Variants in CADPS2 observed in about 807,000 individuals in gnomAD.
CADPS2 encodes calcium dependent secretion activator 2.
In CADPS2, 93 loss-of-function variants were observed where a neutral mutation model predicts 172.5. The ratio of observed to expected loss-of-function variants is 0.54; its 90% CI spans 0.46 to 0.64. The LOEUF (loss-of-function observed/expected upper bound fraction) is 0.64. Ranked by LOEUF, CADPS2 falls within the 30% of genes least tolerant of loss-of-function variation. The pLI is 0.00. For missense variants in CADPS2, 1,420 were observed against 1,565.9 expected (o/e 0.91, Z 1.57); for synonymous variants, 546 against 555.2 (o/e 0.98, Z 0.23).
chr7:122,877,986 C>T (rs915256112), intron 1 of CADPS2, among the ~76,000 whole-genome samples: 5 of 149,910 alleles, frequency 3.3e-5, no homozygotes, highest in African/African-American at 1.2e-4. Context: ...AGACGCTATA[C>T]TACTGCACTA....
intron 3 of CADPS2, among the ~76,000 whole-genome samples, chr7:122,630,420 A>G (rs554921566): frequency 2.0e-4 from 31 of 152,268 alleles, no homozygotes; most frequent in African/African-American, 6.7e-4. Context: ...AAGAACACCA[A>G]AAGTCTGGAG....
chr7:122,376,363 G>A (rs1351599701), intron 25 of CADPS2, among the ~76,000 whole-genome samples: 1 of 152,100 alleles, frequency 6.6e-6, no homozygotes, highest in African/African-American at 2.4e-5. Flanking sequence ...ATTAAAATGA[G>A]TTATGTGCAT....
At chr7:122,375,511 G>A (rs1390654561) in intron 25 of CADPS2, among the ~76,000 whole-genome samples, 1 of 151,974 alleles carries the variant, frequency 6.6e-6, no homozygotes, top group African/African-American at 2.4e-5. Context: ...AATAGTGCTG[G>A]GAAAAGTGGA....
chr7:122,345,457 A>C (rs1024363700), intron 28 of CADPS2, 117 bp downstream of exon 28: 58 of 634,640 alleles, frequency 9.1e-5, no homozygotes, highest in Non-Finnish European at 1.4e-4. Context: ...TTTTTAGTAT[A>C]GAAGATACAG....
In CADPS2 at chr7:122,790,907, A is replaced by T. The variant is rs368592864; in HGVS notation, c.340-53839T>A. ...AGCCACCACGTCTCAACACTAATGG[A>T]TGTAGGAATATTAACTATGATCAGG... On this transcript the variant is annotated intron_variant, in intron 1 of 29. Transcript: ENST00000449022. Among the ~76,000 whole-genome samples the T allele has an allele frequency of 5.3e-5, 8 of 152,192 alleles. No homozygotes were observed. In the East Asian group the frequency reaches 7.7e-4, roughly 15 times the overall value.
chr7:122,549,600 G>A (rs748842214), intron 8 of CADPS2, among the ~76,000 whole-genome samples: 9 of 150,774 alleles, frequency 6.0e-5, no homozygotes, highest in East Asian at 3.9e-4. Flanking sequence ...CAGCCTGGGC[G>A]ACAGAGTGAG....
chr7:122,694,425 G>A (rs1250251821), intron 2 of CADPS2, among the ~76,000 whole-genome samples: 1 of 152,202 alleles, frequency 6.6e-6, no homozygotes, highest in Non-Finnish European at 1.5e-5. Context: ...GTGTAGAAGA[G>A]TTTTGAAATC....
chr7:122,621,399 A>G, intron 5 of CADPS2, 82 bp downstream of exon 5: 1 of 913,034 alleles, frequency 1.1e-6, no homozygotes, highest in Non-Finnish European at 1.7e-6. Context: ...TTAAATTCTA[A>G]AAGTTACTGC....
rs754795204 is a variant in CADPS2 at position 122,416,101 on chromosome 7, C to G, written c.2540G>C (p.Cys847Ser). 6.4e-7 allele frequency: 1 copy of G among 1,553,496 alleles called. No individual in the cohort carries two copies. ...TTCATTCTGCTGTAAGACTTCTATG[C>G]AGAGCTCTGCCAGATGAAGAATCTC... is the stretch of plus-strand genomic sequence containing the variant. ...LEEILHLAEL[C>S]IEVLQQNEEH... Residue 847 changes from cysteine (C) to serine (S), a missense_variant, in exon 18 of 30, where the codon TGC becomes TCC. Coordinates refer to ENST00000449022, the MANE Select transcript of CADPS2 (RefSeq NM_017954.11).
chr7:122,587,612 T>C (rs892337986), intron 6 of CADPS2, among the ~76,000 whole-genome samples: 4 of 152,156 alleles, frequency 2.6e-5, no homozygotes, highest in African/African-American at 4.8e-5. Context: ...ATGATTTATA[T>C]TCCTTTGGTA....
At position 122,886,439 on chromosome 7, in the gene CADPS2, GC is replaced by G; in HGVS notation, c.-103del. ...GGGAGCCGCGGGGCTGGCTGCAGCG[GC>G]CGCAGAACGAAAGGAAAACTGGCCA... On this transcript the variant is annotated 5_prime_UTR_variant, in exon 1 of 30. Coordinates refer to ENST00000449022, the MANE Select transcript of CADPS2 (RefSeq NM_017954.11). The G allele has an allele frequency of 7.2e-7, 1 of 1,389,816 alleles. No individual in the cohort carries two copies. Among genetic ancestry groups the G allele is most frequent in the South Asian group, 1.6e-5 (1 of 64,004 alleles). The allele number at this position is 1,389,816 out of a possible 1,614,324, so 86.1% of individuals were successfully genotyped here. A position where few individuals can be genotyped will look rare whatever the true frequency, so the allele number is the denominator to read the frequency against.
intron 4 of CADPS2, among the ~76,000 whole-genome samples, chr7:122,626,767 T>G (rs2076129372): frequency 6.6e-6 from 1 of 152,198 alleles, no homozygotes; most frequent in Admixed American, 6.5e-5. Flanking sequence ...CAATAAATAT[T>G]TGGTCAATTA....
chr7:122,428,256 A>C (rs2049409065), intron 17 of CADPS2, among the ~76,000 whole-genome samples: 1 of 152,108 alleles, frequency 6.6e-6, no homozygotes, highest in Non-Finnish European at 1.5e-5. Flanking sequence ...AGTACGTAAA[A>C]ATCACCGTTG....
intron 1 of CADPS2, among the ~76,000 whole-genome samples, chr7:122,851,467 G>C (rs1289292057): frequency 6.6e-6 from 1 of 152,154 alleles, no homozygotes; most frequent in Non-Finnish European, 1.5e-5. Flanking sequence ...AGCCTGAGGG[G>C]TGCATTCTTC....
chr7:122,798,486 G>A (rs1796884542), intron 1 of CADPS2, among the ~76,000 whole-genome samples: 1 of 152,140 alleles, frequency 6.6e-6, no homozygotes, highest in Non-Finnish European at 1.5e-5. Flanking sequence ...CTACATCAAT[G>A]TATATAGATG....
intron 12 of CADPS2, chr7:122,480,149 C>T: frequency 2.1e-6 from 1 of 470,656 alleles, no homozygotes; most frequent in Non-Finnish European, 4.4e-6. Flanking sequence ...ACCCCTTCAG[C>T]TCACTCTCTT....
At chr7:122,523,652 T>C (rs779695107) in intron 8 of CADPS2, among the ~76,000 whole-genome samples, 3 of 152,150 alleles carry the variant, frequency 2.0e-5, no homozygotes, top group Non-Finnish European at 4.4e-5. Context: ...TAAATGAAGT[T>C]AATTAATATA....
At chr7:122,645,658 GATAT>G (rs71161314) in intron 3 of CADPS2, among the ~76,000 whole-genome samples, 22,911 of 106,600 alleles carry the variant, frequency 0.21, 2,898 homozygotes, top group Non-Finnish European at 0.29. Context: ...ATATCTCTAA[GATAT>G]ATATATATAT....
chr7:122,657,176 T>C (rs1448293270), intron 3 of CADPS2, among the ~76,000 whole-genome samples: 1 of 152,236 alleles, frequency 6.6e-6, no homozygotes, highest in Non-Finnish European at 1.5e-5. Context: ...ATATCTCTGT[T>C]TTGGTACCAG....
Sources: allele counts gnomAD v4.1 joint callset (sites outside exome capture counted in the v4.1 genomes callset), GRCh38; gene constraint gnomAD v4.1.1; transcripts MANE v1.5; gene names NCBI Gene and HGNC (gene_info 2026-07-23, HGNC 2026-07-21).